The following CBLIF variants were observed in gnomAD, a reference collection of about 807,000 sequenced individuals.
CBLIF encodes the protein cobalamin binding intrinsic factor.
In CBLIF, 24 loss-of-function variants were observed where a neutral mutation model predicts 44.9. The ratio of observed to expected loss-of-function variants is 0.53; its 90% CI spans 0.39 to 0.75. CBLIF has a LOEUF of 0.75. Ranked by LOEUF, CBLIF falls within the 30% of genes least tolerant of loss-of-function variation. The probability of loss-of-function intolerance (pLI) is 0.00; values close to 1 mark genes in which losing one functional copy is unlikely to be tolerated. For missense variants in CBLIF, 481 were observed against 513.0 expected, an observed-to-expected ratio of 0.94 and a Z score of 0.60; for synonymous variants, 183 against 190.9, an observed-to-expected ratio of 0.96 and a Z score of 0.34.
Position 59,844,059 on chromosome 11 carries a change from A to G in CBLIF, c.80-4T>C. The G allele has an allele frequency of 6.2e-7, 1 of 1,610,844 alleles. No individual in the cohort carries two copies. ...GGCTCCTGTGCTGAGGGAACGGCTGAGAAGAGGAAAGCCATTTACTCACCT... is the reference window on the plus strand; with the variant it reads ...GGCTCCTGTGCTGAGGGAACGGCTGGGAAGAGGAAAGCCATTTACTCACCT... On this transcript the variant is annotated splice_region_variant and splice_polypyrimidine_tract_variant and intron_variant, in intron 1 of 8. Transcript: ENST00000257248.
At chr11:59,833,833 C>T (rs549998834) in intron 7 of CBLIF, among the ~76,000 whole-genome samples, 31 of 152,284 alleles carry the variant, frequency 2.0e-4, no homozygotes, top group African/African-American at 6.3e-4. Flanking sequence ...TTCTTTACTG[C>T]TTCCTCTTTT....
chr11:59,843,902 T>C lies in CBLIF; in HGVS notation c.233A>G (p.Gln78Arg). 6.2e-7 allele frequency: 1 copy of C among 1,613,658 alleles called. No homozygotes were observed. Among genetic ancestry groups the C allele is most frequent in the Non-Finnish European group, 8.5e-7 (1 of 1,179,678 alleles). Residue 78 changes from glutamine (Q) to arginine (R), a missense_variant, in exon 2 of 9, where the codon CAG (glutamine) becomes CGG (arginine). Coordinates refer to ENST00000257248, the MANE Select transcript of CBLIF (RefSeq NM_005142.3). ...ACCGTTGTTGTCGCTGGACATGAGC[T>C]GGTAAGTCAGGAGCTTCTGGGCCTT... ...NLKAQKLLTY[Q>R]LMSSDNNDLT... is the part of the protein sequence containing the mutation.
intron 5 of CBLIF, among the ~76,000 whole-genome samples, chr11:59,840,670 C>T (rs1374519505): frequency 2.6e-5 from 4 of 151,994 alleles, no homozygotes; most frequent in Non-Finnish European, 5.9e-5. Flanking sequence ...AGGTTATTTT[C>T]CTTAATCATT....
rs781140362 is a variant in CBLIF, at chr11:59,837,256, G to A, written c.789C>T (p.His263=). The A allele has an allele frequency of 6.2e-7, 1 of 1,613,184 alleles. No homozygotes were observed. Residue 263 remains histidine (H), a synonymous_variant, in exon 6 of 9, where the codon CAC becomes CAT. Transcript: ENST00000257248. The part of the protein sequence containing the change: ...ILNEIKQGKF[H]NPMSIAQILP... ...GGATTTGAGCAATGGACATGGGGTT[G>A]TGGAATTTCCCCTGCTTAATCTCAT... is the stretch of plus-strand genomic sequence containing the variant.
chr11:59,835,357 C>T (rs915076969), intron 7 of CBLIF, among the ~76,000 whole-genome samples: 1 of 151,988 alleles, frequency 6.6e-6, no homozygotes, highest in Non-Finnish European at 1.5e-5. Context: ...GTTGGTGAAA[C>T]TCCTGAGCTA....
At position 59,829,486 on chromosome 11, in the gene CBLIF, A is replaced by G. The variant is rs1211215396; in HGVS notation, c.1252T>C (p.Ter418GlnextTer16). The G allele has an allele frequency of 3.1e-6, 5 of 1,600,330 alleles. No homozygotes were observed. The highest frequency in any genetic ancestry group is 4.3e-6 in the Non-Finnish European group (5 of 1,167,350). ...EHITANFTQY[*>Q] ...TAGAAGCTGAACCCACCTCTTCGTT[A>G]GTACTGTGTGAAATTGGCTGTGATG... Residue 418 changes from the stop codon to glutamine, a stop_lost, in exon 9 of 9, where the codon TAA becomes CAA. Coordinates refer to ENST00000257248, the MANE Select transcript of CBLIF (RefSeq NM_005142.3).
At chr11:59,831,826 C>T (rs760528908) in intron 7 of CBLIF, 30 bp from the exon 8 acceptor site, 1 of 1,001,660 alleles carries the variant, frequency 1.0e-6, no homozygotes, top group Non-Finnish European at 1.6e-6. Flanking sequence ...TGATTAACAT[C>T]TCACTTTAGG....
chr11:59,834,221 T>G (rs1219406128), intron 7 of CBLIF, among the ~76,000 whole-genome samples: 2 of 148,216 alleles, frequency 1.3e-5, no homozygotes, highest in African/African-American at 5.3e-5. Flanking sequence ...CCTGCCTTTC[T>G]GTTTCTTTCT....
At chr11:59,841,658 C>T (rs1866530657) in intron 4 of CBLIF, among the ~76,000 whole-genome samples, 1 of 152,116 alleles carries the variant, frequency 6.6e-6, no homozygotes, top group African/African-American at 2.4e-5. Context: ...AAAGGGAGAC[C>T]AGTCTGTTCT....
intron 8 of CBLIF, among the ~76,000 whole-genome samples, chr11:59,830,413 A>G (rs547047029): frequency 2.0e-5 from 3 of 151,668 alleles, no homozygotes; most frequent in South Asian, 4.2e-4. Context: ...ATTTTTTTGT[A>G]TTTTTAGTAG....
At chr11:59,835,222 C>T (rs541800660) in intron 7 of CBLIF, among the ~76,000 whole-genome samples, 39 of 151,636 alleles carry the variant, frequency 2.6e-4, no homozygotes, top group African/African-American at 8.0e-4. Context: ...CTCGGCTCAC[C>T]GCAACCTCCG....
intron 5 of CBLIF, among the ~76,000 whole-genome samples, chr11:59,839,273 A>G (rs1866493504): frequency 6.6e-6 from 1 of 152,248 alleles, no homozygotes; most frequent in South Asian, 2.1e-4. Context: ...TGGGTAGGGA[A>G]GAGTGTGGCC....
rs1866575657 is a variant in CBLIF at position 59,844,071 on chromosome 11, C to A, written c.80-16G>T. 6.2e-7 allele frequency: 1 copy of A among 1,600,264 alleles called. No individual in the cohort carries two copies. On this transcript the variant is annotated splice_polypyrimidine_tract_variant and intron_variant, in intron 1 of 8. Transcript: ENST00000257248. ...GAGGGAACGGCTGAGAAGAGGAAAGCCATTTACTCACCTTCTAACCCTCAT... is the reference window on the plus strand; with the variant it reads ...GAGGGAACGGCTGAGAAGAGGAAAGACATTTACTCACCTTCTAACCCTCAT...
chr11:59,836,892 G>C (rs1831392307), intron 6 of CBLIF, among the ~76,000 whole-genome samples: 1 of 152,182 alleles, frequency 6.6e-6, no homozygotes, highest in South Asian at 2.1e-4. Flanking sequence ...TTGATAGCTG[G>C]GACCATGGAG....
At chr11:59,839,490 T>G (rs920849756) in intron 5 of CBLIF, among the ~76,000 whole-genome samples, 3 of 152,336 alleles carry the variant, frequency 2.0e-5, no homozygotes, top group African/African-American at 7.2e-5. Flanking sequence ...AAATTCAATA[T>G]TTGTCTGAGA....
chr11:59,833,834 T>C (rs571400235), intron 7 of CBLIF, among the ~76,000 whole-genome samples: 1 of 152,336 alleles, frequency 6.6e-6, no homozygotes, highest in Admixed American at 6.5e-5. Context: ...TCTTTACTGC[T>C]TCCTCTTTTT....
chr11:59,839,528 A>G (rs1056353663), intron 5 of CBLIF, among the ~76,000 whole-genome samples: 5 of 152,180 alleles, frequency 3.3e-5, no homozygotes, highest in Non-Finnish European at 7.3e-5. Context: ...GTCAAACCTA[A>G]ATTGTGATAG....
Position 59,842,518 on chromosome 11 carries a change from T to C in CBLIF, c.436A>G (p.Asn146Asp). 1 of 1,607,174 alleles carries C rather than the reference T, an allele frequency of 6.2e-7. No homozygotes were observed. Among genetic ancestry groups the C allele is most frequent in the Non-Finnish European group, 8.5e-7 (1 of 1,173,820 alleles). ...GCTATCGGCAAGGTCGCCTCAGAGT[T>C]CTTCTGGCACAGTGCCAAGATCGCT... ...SLAILALCQK[N>D]SEATLPIAVR... is the part of the protein sequence containing the mutation. The change falls in exon 4 of 9, where the codon AAC becomes GAC. Residue 146 changes from asparagine to aspartate, a missense_variant. By Grantham distance (23) the Asn-to-Asp change is conservative. Transcript: ENST00000257248.
At chr11:59,837,704 C>A (rs186301201) in intron 5 of CBLIF, among the ~76,000 whole-genome samples, 3 of 152,160 alleles carry the variant, frequency 2.0e-5, no homozygotes, top group African/African-American at 4.8e-5. Context: ...ACGGAGTAGA[C>A]CCCTTGTTTC....
Sources: allele counts gnomAD v4.1 joint callset (sites outside exome capture counted in the v4.1 genomes callset), GRCh38; gene constraint gnomAD v4.1.1; transcripts MANE v1.5; gene names NCBI Gene and HGNC (gene_info 2026-07-23, HGNC 2026-07-21).